Variants in THOC2 observed in about 807,000 individuals in gnomAD.
THOC2 encodes the protein THO complex 2.
A neutral mutation model predicts 128.4 loss-of-function variants in THOC2; 10 were observed. The ratio of observed to expected loss-of-function variants is 0.08; its 90% CI spans 0.05 to 0.13. The LOEUF is 0.13. Among genes scored for constraint, THOC2 ranks in the 10% least tolerant of loss-of-function variants. The probability of loss-of-function intolerance (pLI) is 1.00; values close to 1 mark genes in which losing one functional copy is unlikely to be tolerated. For synonymous variants in THOC2, 393 were observed against 396.9 expected (o/e 0.99, Z 0.12); for missense variants, 535 against 1,155.7 (o/e 0.46, Z 7.79).
At chrX:123,688,026 A>G (rs1461787805) in intron 7 of THOC2, among the ~76,000 whole-genome samples, 1 of 112,489 alleles carries the variant, frequency 8.9e-6, no homozygotes, top group African/African-American at 3.2e-5. Flanking sequence ...GCTGATGGCA[A>G]TGTAAAATGG....
rs1430505087 is a variant in THOC2, at chrX:123,681,480, T to A, written c.768+5068A>T. On this transcript the variant is annotated intron_variant, in intron 8 of 38. Transcript: ENST00000245838. Reference sequence around the variant, plus strand: ...ATTAGATGTTACATAATCTATGAAGTATTTTTGCCATTAAATATTTTGCCT... The same window carrying A: ...ATTAGATGTTACATAATCTATGAAGAATTTTTGCCATTAAATATTTTGCCT... 2.7e-5 allele frequency among the ~76,000 whole-genome samples: 3 copies of A among 111,940 alleles called. No individual in the cohort carries two copies. In the East Asian group the frequency reaches 8.4e-4, roughly 31 times the overall value.
chrX:123,713,283 G>A (rs182496153), intron 1 of THOC2, among the ~76,000 whole-genome samples: 230 of 110,446 alleles, frequency 2.1e-3, no homozygotes, highest in African/African-American at 7.1e-3. Flanking sequence ...GACCAGCTTG[G>A]GCAACACAAT....
intron 12 of THOC2, among the ~76,000 whole-genome samples, chrX:123,649,173 C>A (rs2048255614): frequency 1.8e-5 from 2 of 112,339 alleles, no homozygotes; most frequent in Non-Finnish European, 3.8e-5. Context: ...CCCAGGCAAA[C>A]AGGGTCTGGA....
At chrX:123,668,897 A>T (rs1317765574) in intron 9 of THOC2, among the ~76,000 whole-genome samples, 2 of 111,804 alleles carry the variant, frequency 1.8e-5, no homozygotes, top group Admixed American at 9.5e-5. Flanking sequence ...ACCCTCCATT[A>T]TGAAAAAGGC....
chrX:123,616,311 C>A (rs1464167311), intron 33 of THOC2, among the ~76,000 whole-genome samples: 1 of 110,950 alleles, frequency 9.0e-6, no homozygotes, highest in Non-Finnish European at 1.9e-5. Context: ...CTTCCTAGTT[C>A]CTTGTACACA....
intron 30 of THOC2, among the ~76,000 whole-genome samples, chrX:123,621,863 T>G (rs1364588188): frequency 1.9e-5 from 2 of 105,415 alleles, no homozygotes; most frequent in Admixed American, 1.0e-4. Flanking sequence ...GTCAACATGG[T>G]GAAACCCCGT....
chrX:123,692,111 T>A (rs897534963), intron 7 of THOC2, among the ~76,000 whole-genome samples: 2 of 111,975 alleles, frequency 1.8e-5, no homozygotes, highest in African/African-American at 6.5e-5. Context: ...CCACTTGTTT[T>A]TATTATATAT....
intron 11 of THOC2, among the ~76,000 whole-genome samples, chrX:123,666,499 C>T (rs2049057551): frequency 9.0e-6 from 1 of 111,437 alleles, no homozygotes. Context: ...AGCAGCTACA[C>T]AAAAGTCACA....
intron 10 of THOC2, among the ~76,000 whole-genome samples, chrX:123,667,500 G>C (rs1189123726): frequency 2.7e-5 from 3 of 111,664 alleles, no homozygotes; most frequent in Non-Finnish European, 3.8e-5. Context: ...GAACATGGGA[G>C]GCTGAGGTAG....
intron 16 of THOC2, among the ~76,000 whole-genome samples, chrX:123,640,286 T>C (rs867237603): frequency 4.8e-5 from 4 of 83,648 alleles, no homozygotes; most frequent in East Asian, 6.3e-4. Flanking sequence ...AATCAAGTAA[T>C]ACCAGAAATC....
chrX:123,622,922 A>G (rs1488546508), intron 29 of THOC2, 62 bp from the exon 30 acceptor site: 46 of 950,136 alleles, frequency 4.8e-5, no homozygotes, highest in Non-Finnish European at 6.5e-5. Flanking sequence ...ACAATTTCAG[A>G]GCAAAATGAT....
intron 8 of THOC2, among the ~76,000 whole-genome samples, chrX:123,685,264 T>C (rs1169829125): frequency 1.8e-5 from 2 of 112,368 alleles, no homozygotes; most frequent in Non-Finnish European, 3.8e-5. Flanking sequence ...CTGCCCTATA[T>C]GGTTTACAGT....
intron 1 of THOC2, among the ~76,000 whole-genome samples, chrX:123,732,344 TC>T (rs960024755): frequency 1.8e-5 from 2 of 112,316 alleles, no homozygotes; most frequent in African/African-American, 6.5e-5. Context: ...CTGCCACACT[TC>T]CCCACGGCGC....
chrX:123,715,520 G>A (rs1208147151), intron 1 of THOC2, among the ~76,000 whole-genome samples: 2 of 109,996 alleles, frequency 1.8e-5, no homozygotes, highest in Non-Finnish European at 3.8e-5. Flanking sequence ...GGTGGCTCAC[G>A]CTTGTAATCC....
At chrX:123,722,403 T>G (rs906156772) in intron 1 of THOC2, among the ~76,000 whole-genome samples, 2 of 111,549 alleles carry the variant, frequency 1.8e-5, no homozygotes, top group African/African-American at 6.5e-5. Flanking sequence ...AAGGATGAGT[T>G]CATGTCCTTT....
intron 4 of THOC2, among the ~76,000 whole-genome samples, chrX:123,701,037 C>T (rs2050680933): frequency 9.0e-6 from 1 of 110,502 alleles, no homozygotes; most frequent in South Asian, 3.9e-4. Flanking sequence ...CCAAGTTTGC[C>T]GTCATAATCT....
intron 8 of THOC2, among the ~76,000 whole-genome samples, chrX:123,677,866 C>T (rs1395756906): frequency 1.0e-5 from 1 of 97,751 alleles, no homozygotes; most frequent in African/African-American, 3.8e-5. Flanking sequence ...AACAAAACTC[C>T]GTCGCAAAAA....
At chrX:123,716,825 G>A (rs146924593) in intron 1 of THOC2, among the ~76,000 whole-genome samples, 2,250 of 106,892 alleles carry the variant, frequency 0.021, 24 homozygotes, top group Non-Finnish European at 0.035. Context: ...TTGGACCCAG[G>A]AGGTGGAGGC....
chrX:123,662,542 C>G (rs753491309), intron 12 of THOC2, among the ~76,000 whole-genome samples: 97 of 99,239 alleles, frequency 9.8e-4, no homozygotes, highest in African/African-American at 3.4e-3. Flanking sequence ...GAGCCGAGAT[C>G]GCGCCACTGG....
Sources: allele counts gnomAD v4.1 joint callset (sites outside exome capture counted in the v4.1 genomes callset), GRCh38; gene constraint gnomAD v4.1.1; transcripts MANE v1.5; gene names NCBI Gene and HGNC (gene_info 2026-07-23, HGNC 2026-07-21).